The following SHOC1 variants were observed in gnomAD, a reference collection of about 807,000 sequenced individuals.
SHOC1 encodes the protein shortage in chiasmata 1, also known as protein shortage in chiasmata 1 ortholog.
Under a neutral mutation model 179.2 loss-of-function variants are expected in SHOC1, and 136 were observed. The observed-to-expected ratio is 0.76, with a 90% confidence interval of 0.66 to 0.87. SHOC1 has a LOEUF of 0.87. Ranked by LOEUF, SHOC1 falls within the 40% of genes least tolerant of loss-of-function variation. SHOC1 has a pLI of 0.00. For synonymous variants in SHOC1, 489 were observed against 586.6 expected, an observed-to-expected ratio of 0.83 and a Z score of 2.41; for missense variants, 1,538 against 1,700.8, an observed-to-expected ratio of 0.90 and a Z score of 1.68.
intron 4 of SHOC1, among the ~76,000 whole-genome samples, chr9:111,776,683 C>T (rs1402506226): frequency 6.6e-6 from 1 of 152,190 alleles, no homozygotes; most frequent in Non-Finnish European, 1.5e-5. Flanking sequence ...CTCCCAAATA[C>T]TTCTCTGTTA....
rs1473623668 is a variant in SHOC1, at chr9:111,741,510, T to G, written c.1140A>C (p.Arg380Ser). 1 of 1,612,506 alleles carries G rather than the reference T, an allele frequency of 6.2e-7. No homozygotes were observed. Among genetic ancestry groups the G allele is most frequent in the South Asian group, 1.1e-5 (1 of 90,896 alleles). ...AAAATGGGTTCAAAGGGCTTCTACATCTTTCTAATTGCCACATCATGTAGT... is the reference window on the plus strand; with the variant it reads ...AAAATGGGTTCAAAGGGCTTCTACAGCTTTCTAATTGCCACATCATGTAGT... Reference protein sequence around the residue: ...NEYYMMWQLERCRSPLNPFLL... With the variant: ...NEYYMMWQLESCRSPLNPFLL... The change falls in exon 11 of 28, where the codon AGA (arginine) becomes AGC (serine). Residue 380 changes from arginine to serine, a missense_variant. Arg to Ser is a moderately radical substitution (Grantham distance 110). Coordinates refer to ENST00000682961, the MANE Select transcript of SHOC1 (RefSeq NM_001378211.1).
At chr9:111,722,947 G>A (rs10119265) in intron 14 of SHOC1, among the ~76,000 whole-genome samples, 8,485 of 152,010 alleles carry the variant, frequency 0.056, 594 homozygotes, top group African/African-American at 0.16. Flanking sequence ...GACTATAGGC[G>A]TGCACCACCA....
Position 111,788,064 on chromosome 9 carries a change from C to CTTT in SHOC1, c.46-2032_46-2030dup, listed in dbSNP as rs35764341. Among the ~76,000 whole-genome samples, 815 of 122,698 alleles carry CTTT rather than the reference C, an allele frequency of 6.6e-3. 53 individuals are homozygous for CTTT. Among genetic ancestry groups the CTTT allele is most frequent in the East Asian group, 0.058 (243 of 4,200 alleles). The allele number at this position is 122,698 out of a possible 152,430, so 80.5% of individuals were successfully genotyped here. Reference sequence around the variant, plus strand: ...GGACTATAGTATAGCATAAACATAACTTTTTTTTTTTTTTTTTTTGAGACA... The same window carrying CTTT: ...GGACTATAGTATAGCATAAACATAACTTTTTTTTTTTTTTTTTTTTTTGAGACA... On this transcript the variant is annotated intron_variant, in intron 2 of 27. Transcript: ENST00000682961.
At position 111,723,824 on chromosome 9, in the gene SHOC1, C is replaced by G; in HGVS notation, c.1922G>C (p.Gly641Ala). Residue 641 changes from glycine to alanine, a missense_variant, in exon 14 of 28, where the codon GGA becomes GCA. Gly to Ala is a moderately conservative substitution (Grantham distance 60). Transcript: ENST00000682961. ...TTGAATTTCAATGACACTATCTGTT[C>G]CCCTTTCCTGATTTATTTCCTCCAG... is the stretch of plus-strand genomic sequence containing the variant. ...KTLEEINQER[G>A]TDSVIEIQAS... The G allele has an allele frequency of 6.2e-7, 1 of 1,612,104 alleles. No individual in the cohort carries two copies. The highest frequency in any genetic ancestry group is 8.5e-7 in the Non-Finnish European group (1 of 1,179,050).
chr9:111,763,337 CA>C (rs1171726088), intron 5 of SHOC1, among the ~76,000 whole-genome samples: 1 of 151,774 alleles, frequency 6.6e-6, no homozygotes, highest in Non-Finnish European at 1.5e-5. Flanking sequence ...ACCATGTATC[CA>C]GCCTAATATA....
At chr9:111,724,671 C>T (rs1052533317) in intron 13 of SHOC1, among the ~76,000 whole-genome samples, 6 of 152,228 alleles carry the variant, frequency 3.9e-5, no homozygotes, top group African/African-American at 1.4e-4. Flanking sequence ...CTTACTGCTG[C>T]ACCCTGCAGG....
intron 5 of SHOC1, among the ~76,000 whole-genome samples, chr9:111,767,082 T>C (rs1375307765): frequency 6.6e-6 from 1 of 152,170 alleles, no homozygotes; most frequent in African/African-American, 2.4e-5. Flanking sequence ...TTGTATATTA[T>C]GGTTATTAAT....
At chr9:111,781,199 C>T (rs79644176) in intron 3 of SHOC1, 182 bp from the exon 4 acceptor site, 108,963 of 564,678 alleles carry the variant, frequency 0.19, 11,425 homozygotes, top group Non-Finnish European at 0.22. Flanking sequence ...AACCTACCCC[C>T]GCCCCTCAAT....
chr9:111,743,019 C>T (rs1310292734), intron 10 of SHOC1, among the ~76,000 whole-genome samples: 2 of 152,262 alleles, frequency 1.3e-5, no homozygotes, highest in South Asian at 2.1e-4. Context: ...CAGTTAGTAG[C>T]TTAATAAAAT....
At chr9:111,705,196 C>CATAT (rs1554710317) in intron 21 of SHOC1, 51 bp downstream of exon 21, 5 of 681,186 alleles carry the variant, frequency 7.3e-6, no homozygotes, top group African/African-American at 5.8e-5. Context: ...CACACACACA[C>CATAT]ATATATATAT....
intron 5 of SHOC1, among the ~76,000 whole-genome samples, chr9:111,765,552 T>A (rs2131589327): frequency 6.6e-6 from 1 of 152,076 alleles, no homozygotes; most frequent in South Asian, 2.1e-4. Context: ...ATTGCACCAT[T>A]GCACTCCAGC....
intron 2 of SHOC1, among the ~76,000 whole-genome samples, chr9:111,788,638 G>C (rs1001867125): frequency 6.6e-6 from 1 of 152,170 alleles, no homozygotes; most frequent in Non-Finnish European, 1.5e-5. Context: ...AAAACGGGAT[G>C]ACATCATTTA....
chr9:111,785,456 T>C (rs1292504982), intron 3 of SHOC1, among the ~76,000 whole-genome samples: 2 of 152,164 alleles, frequency 1.3e-5, no homozygotes, highest in African/African-American at 4.8e-5. Context: ...GTACATAATA[T>C]ATACCAAGTA....
At chr9:111,753,141 T>G (rs750876837) in intron 8 of SHOC1, among the ~76,000 whole-genome samples, 2 of 152,228 alleles carry the variant, frequency 1.3e-5, no homozygotes, top group Non-Finnish European at 2.9e-5. Context: ...TATCTTTGTA[T>G]TTTTGTCATA....
intron 8 of SHOC1, among the ~76,000 whole-genome samples, chr9:111,749,563 T>C (rs1834468801): frequency 1.3e-5 from 2 of 152,182 alleles, no homozygotes; most frequent in Non-Finnish European, 2.9e-5. Context: ...GATGTGCACG[T>C]TTGTTACATA....
chr9:111,731,054 T>C (rs1379644541), intron 12 of SHOC1, among the ~76,000 whole-genome samples: 1 of 152,196 alleles, frequency 6.6e-6, no homozygotes, highest in Non-Finnish European at 1.5e-5. Flanking sequence ...GCTTCAAACT[T>C]CTGTAGCTCC....
At chr9:111,760,212 C>T (rs1409504851) in intron 5 of SHOC1, among the ~76,000 whole-genome samples, 1 of 152,186 alleles carries the variant, frequency 6.6e-6, no homozygotes, top group Admixed American at 6.5e-5. Context: ...GTTATATGGT[C>T]TTGTTTTCCA....
chr9:111,794,581 C>A (rs823643), intron 1 of SHOC1, among the ~76,000 whole-genome samples: 93,732 of 152,024 alleles, frequency 0.62, 29,422 homozygotes, highest in East Asian at 0.89. Flanking sequence ...GAGACCCTGT[C>A]TTAAAACAGA....
chr9:111,735,272 T>C (rs1456434086), intron 12 of SHOC1, among the ~76,000 whole-genome samples: 1 of 152,060 alleles, frequency 6.6e-6, no homozygotes, highest in East Asian at 1.9e-4. Flanking sequence ...GTTATGGTGG[T>C]TTGCTGCACC....
Sources: allele counts gnomAD v4.1 joint callset (sites outside exome capture counted in the v4.1 genomes callset), GRCh38; gene constraint gnomAD v4.1.1; transcripts MANE v1.5; gene names NCBI Gene and HGNC (gene_info 2026-07-23, HGNC 2026-07-21).